UNC13B: variants seen among roughly 807,000 people sequenced by gnomAD.
UNC13B encodes the protein protein unc-13 homolog B.
A neutral mutation model predicts 211.0 loss-of-function variants in UNC13B; 144 were observed. The observed-to-expected ratio is 0.68, with a 90% CI of 0.60 to 0.78. UNC13B has a LOEUF of 0.78. Ranked by LOEUF, UNC13B falls within the 30% of genes least tolerant of loss-of-function variation. The pLI, the probability that UNC13B is intolerant of heterozygous loss-of-function variation, is 0.00. For synonymous variants in UNC13B, 709 were observed against 725.8 expected (o/e 0.98, Z 0.37); for missense variants, 1,777 against 2,002.0 (o/e 0.89, Z 2.14).
rs555561928 is a variant in UNC13B at position 35,398,430 on chromosome 9, G to A, written c.11833-124G>A. 2.2e-4 allele frequency: 302 copies of A among 1,342,940 alleles called. 2 individuals carry two copies. Among genetic ancestry groups the A allele is most frequent in the South Asian group, 3.8e-5 (3 of 78,440 alleles). The allele number at this position is 1,342,940 out of a possible 1,614,324, so 83.2% of individuals were successfully genotyped here. A position where few individuals can be genotyped will look rare whatever the true frequency, so the allele number is the denominator to read the frequency against. ...CTGGCTTAATCTGAGGTAGGCATTCGGGTAAGGCCCTGCGAGGGAGGAATA... is the reference window on the plus strand; with the variant it reads ...CTGGCTTAATCTGAGGTAGGCATTCAGGTAAGGCCCTGCGAGGGAGGAATA... On this transcript the variant is annotated intron_variant, in intron 31 of 39. Transcript: ENST00000635942.
At chr9:35,231,308 T>C in intron 3 of UNC13B, 89 bp downstream of exon 3, 1 of 877,828 alleles carries the variant, frequency 1.1e-6, no homozygotes, top group Non-Finnish European at 1.8e-6. Context: ...AGATTTTGTG[T>C]ATTTTTGAGA....
intron 3 of UNC13B, among the ~76,000 whole-genome samples, chr9:35,233,504 C>G (rs1168924773): frequency 6.6e-6 from 1 of 152,008 alleles, no homozygotes; most frequent in African/African-American, 2.4e-5. Flanking sequence ...CTATCCTGTC[C>G]TATTTTAGTT....
intron 24 of UNC13B, among the ~76,000 whole-genome samples, chr9:35,389,407 G>A (rs926679747): frequency 6.6e-6 from 1 of 152,198 alleles, no homozygotes; most frequent in Non-Finnish European, 1.5e-5. Context: ...TCTCAGAGCT[G>A]AGATGTGTAT....
chr9:35,342,357 G>A (rs996623143), intron 11 of UNC13B: 3 of 985,560 alleles, frequency 3.0e-6, no homozygotes, highest in Non-Finnish European at 3.6e-6. Flanking sequence ...AAGTGGTACC[G>A]AGTGTGTATG....
chr9:35,232,881 G>A (rs1825293346), intron 3 of UNC13B, among the ~76,000 whole-genome samples: 2 of 152,132 alleles, frequency 1.3e-5, no homozygotes, highest in South Asian at 4.1e-4. Context: ...GAGAGTGGCA[G>A]CATTTAATGA....
intron 30 of UNC13B, among the ~76,000 whole-genome samples, chr9:35,397,988 A>G (rs1836002035): frequency 6.6e-6 from 1 of 152,152 alleles, no homozygotes; most frequent in South Asian, 2.1e-4. Flanking sequence ...GTTATAAAGG[A>G]TAATACATTA....
chr9:35,387,288 A>T (rs774285501), intron 24 of UNC13B, among the ~76,000 whole-genome samples: 27 of 152,202 alleles, frequency 1.8e-4, no homozygotes, highest in Non-Finnish European at 3.4e-4. Context: ...TGGCAGGACA[A>T]CCTAAATGTC....
At chr9:35,381,025 G>A in intron 18 of UNC13B, 75 bp from the exon 19 acceptor site, 1 of 1,440,186 alleles carries the variant, frequency 6.9e-7, no homozygotes, top group East Asian at 2.4e-5. Flanking sequence ...TCTCTTCCTT[G>A]GGTTAAGCCA....
At chr9:35,230,007 CT>C (rs1321540701) in intron 2 of UNC13B, among the ~76,000 whole-genome samples, 1 of 152,136 alleles carries the variant, frequency 6.6e-6, no homozygotes, top group Non-Finnish European at 1.5e-5. Context: ...TTCAGTGCCC[CT>C]AATCATGGCT....
Position 35,381,616 on chromosome 9 carries a change from CGAG to C in UNC13B, c.10556_10558del (p.Gly3519del). 6.2e-7 allele frequency: 1 copy of C among 1,614,178 alleles called. No homozygotes were observed. On this transcript the variant is annotated inframe_deletion, in exon 20 of 40. Transcript: ENST00000635942. Reference sequence around the variant, plus strand: ...TGGAGGAGTCCGCATCCCTGAAGCTCGAGGAGACGATGCCTGGAAGGTGTACTT... The same window carrying C: ...TGGAGGAGTCCGCATCCCTGAAGCTCGAGACGATGCCTGGAAGGTGTACTT...
At chr9:35,298,282 T>C (rs1306089520) in intron 8 of UNC13B, among the ~76,000 whole-genome samples, 3 of 152,156 alleles carry the variant, frequency 2.0e-5, no homozygotes, top group African/African-American at 7.2e-5. Flanking sequence ...TAGCTGGATG[T>C]GGTGGCGCAT....
intron 1 of UNC13B, among the ~76,000 whole-genome samples, chr9:35,183,729 G>GAT (rs1245108522): frequency 1.4e-5 from 2 of 137,972 alleles, no homozygotes; most frequent in East Asian, 2.3e-4. Flanking sequence ...CTTCCCAGAC[G>GAT]GGGCAGCCGG....
chr9:35,315,903 C>CA (rs1311593440), intron 11 of UNC13B, among the ~76,000 whole-genome samples: 1 of 151,806 alleles, frequency 6.6e-6, no homozygotes, highest in African/African-American at 2.4e-5. Context: ...AGGAATTACA[C>CA]AAAAAAAATG....
chr9:35,207,138 T>C (rs1299310554), intron 1 of UNC13B, among the ~76,000 whole-genome samples: 1 of 152,192 alleles, frequency 6.6e-6, no homozygotes, highest in Non-Finnish European at 1.5e-5. Context: ...AAAGTTACTA[T>C]TATCTGTCTT....
intron 11 of UNC13B, among the ~76,000 whole-genome samples, chr9:35,344,706 G>A (rs1832243473): frequency 6.6e-6 from 1 of 152,136 alleles, no homozygotes; most frequent in South Asian, 2.1e-4. Context: ...CTTTTGAGAA[G>A]CTAGAGCACC....
chr9:35,169,041 T>C (rs1821199363), intron 1 of UNC13B, among the ~76,000 whole-genome samples: 1 of 152,156 alleles, frequency 6.6e-6, no homozygotes. Context: ...ATTTATATTA[T>C]GATTTGCCCT....
chr9:35,404,101 G>A lies in UNC13B; in HGVS notation c.*68G>A, dbSNP rs1836532528. ...AAATCAGGGCCAGTGGGAGTTAGCTGTGTAACCGGCTTAGGGTCTTTGCAG... is the reference window on the plus strand; with the variant it reads ...AAATCAGGGCCAGTGGGAGTTAGCTATGTAACCGGCTTAGGGTCTTTGCAG... On this transcript the variant is annotated 3_prime_UTR_variant, in exon 40 of 40. Transcript: ENST00000635942. The A allele has an allele frequency of 2.6e-6, 4 of 1,559,974 alleles. No homozygotes were observed. Among genetic ancestry groups the A allele is most frequent in the African/African-American group, 1.3e-5 (1 of 74,088 alleles).
In UNC13B at chr9:35,247,845, GTA is replaced by G. The variant is rs546404911; in HGVS notation, c.468+4483_468+4484del. Among the ~76,000 whole-genome samples, 188 of 152,266 alleles carry G rather than the reference GTA, an allele frequency of 1.2e-3. 2 individuals are homozygous for G. The highest frequency in any genetic ancestry group is 5.1e-4 in the Non-Finnish European group (35 of 68,006). ...TTTGTTGTGTCTCTGCCAGGCTTTG[GTA>G]TCAGGATGATGCTGGCCTCATAAAA... On this transcript the variant is annotated intron_variant, in intron 6 of 39. Transcript: ENST00000635942.
intron 1 of UNC13B, among the ~76,000 whole-genome samples, chr9:35,203,640 T>G (rs1400432305): frequency 6.6e-6 from 1 of 152,194 alleles, no homozygotes; most frequent in Non-Finnish European, 1.5e-5. Flanking sequence ...TTGAAAGTGA[T>G]GATTTAGGGT....
Sources: allele counts gnomAD v4.1 joint callset (sites outside exome capture counted in the v4.1 genomes callset), GRCh38; gene constraint gnomAD v4.1.1; transcripts MANE v1.5; gene names NCBI Gene and HGNC (gene_info 2026-07-23, HGNC 2026-07-21).